The following BMPER variants were observed in gnomAD, a reference collection of about 807,000 sequenced individuals.
BMPER encodes BMP binding endothelial regulator.
BMPER carries 45 observed loss-of-function variants against 87.3 expected under a neutral mutation model. That is an observed-to-expected ratio of 0.52 (90% CI 0.41 to 0.66). The LOEUF is 0.66. BMPER is among the 30% of genes least tolerant of loss of function. The pLI, the probability that BMPER is intolerant of heterozygous loss-of-function variation, is 0.00. For missense variants in BMPER, 784 were observed against 867.5 expected (o/e 0.90, Z 1.21); for synonymous variants, 326 against 316.2 (o/e 1.03, Z -0.33).
At chr7:33,936,839 C>T (rs539172235) in intron 2 of BMPER, among the ~76,000 whole-genome samples, 1 of 152,316 alleles carries the variant, frequency 6.6e-6, no homozygotes, top group African/African-American at 2.4e-5. Context: ...TAGATTGCTG[C>T]ATTTTAATGC....
rs574546157 is a variant in BMPER at position 33,972,671 on chromosome 7, C to T, written c.494-2031C>T. On this transcript the variant is annotated intron_variant, in intron 5 of 14. Coordinates refer to ENST00000649409, the MANE Select transcript of BMPER (RefSeq NM_001365308.1). ...ACCACAGGGCACTACCTCCCATGCC[C>T]ACACACACCGCGAGAATTGAGAAGC... Among the ~76,000 whole-genome samples the T allele has an allele frequency of 1.6e-4, 25 of 152,260 alleles. No individual in the cohort carries two copies. In the South Asian group the frequency reaches 4.6e-3, roughly 28 times the overall value.
At chr7:34,033,906 T>A (rs1787594949) in intron 6 of BMPER, among the ~76,000 whole-genome samples, 1 of 152,258 alleles carries the variant, frequency 6.6e-6, no homozygotes, top group Non-Finnish European at 1.5e-5. Context: ...CCTGAACTGC[T>A]GTCGTTTTCT....
intron 13 of BMPER, among the ~76,000 whole-genome samples, chr7:34,114,862 G>A (rs368589319): frequency 1.4e-4 from 21 of 152,364 alleles, no homozygotes; most frequent in Middle Eastern, 3.4e-3. Flanking sequence ...GCAGAGGACA[G>A]GTGGATGAGT....
At chr7:34,046,284 T>A in intron 6 of BMPER, 22 bp from the exon 7 acceptor site, 6 of 1,605,816 alleles carry the variant, frequency 3.7e-6, no homozygotes, top group Non-Finnish European at 5.1e-6. Flanking sequence ...TAAATATGCT[T>A]TTTTTTTCTC....
chr7:34,138,652 C>G (rs1262315355), intron 13 of BMPER, among the ~76,000 whole-genome samples: 1 of 152,168 alleles, frequency 6.6e-6, no homozygotes, highest in African/African-American at 2.4e-5. Flanking sequence ...AGACAGTATG[C>G]TTTAAGGGGA....
intron 3 of BMPER, among the ~76,000 whole-genome samples, chr7:33,956,946 T>C (rs1353404683): frequency 6.6e-6 from 1 of 152,154 alleles, no homozygotes; most frequent in Non-Finnish European, 1.5e-5. Context: ...TAACACCAAA[T>C]GCTGGCAAAG....
At chr7:33,938,327 T>C (rs540115188) in intron 3 of BMPER, among the ~76,000 whole-genome samples, 17 of 152,340 alleles carry the variant, frequency 1.1e-4, no homozygotes, top group African/African-American at 3.8e-4. Flanking sequence ...AAGCTCAGAA[T>C]GTGACCTTGT....
At chr7:33,905,532 C>G, upstream of BMPER, 1 of 1,568,188 alleles carries the variant, frequency 6.4e-7, no homozygotes, top group East Asian at 2.3e-5. Context: ...GGCTGAGAGC[C>G]CTTTTCGACT....
intron 2 of BMPER, among the ~76,000 whole-genome samples, chr7:33,932,489 G>A (rs539708947): frequency 6.6e-6 from 1 of 152,350 alleles, no homozygotes; most frequent in African/African-American, 2.4e-5. Context: ...ATCAGAGACA[G>A]GGATGGAGGG....
chr7:33,994,682 G>A (rs1407594710), intron 6 of BMPER, among the ~76,000 whole-genome samples: 1 of 152,148 alleles, frequency 6.6e-6, no homozygotes, highest in Non-Finnish European at 1.5e-5. Context: ...AGATTATTCT[G>A]ATTGACTTTA....
intron 13 of BMPER, among the ~76,000 whole-genome samples, chr7:34,096,895 G>A (rs1177352261): frequency 6.6e-6 from 1 of 152,190 alleles, no homozygotes; most frequent in Non-Finnish European, 1.5e-5. Flanking sequence ...TTCTTTTACA[G>A]TTGTGATTGA....
chr7:34,026,889 A>C (rs1474275312), intron 6 of BMPER, among the ~76,000 whole-genome samples: 1 of 152,052 alleles, frequency 6.6e-6, no homozygotes, highest in Non-Finnish European at 1.5e-5. Flanking sequence ...AACAAAACTC[A>C]TGTTTTCTGG....
At chr7:33,985,366 G>C (rs1785976864) in intron 6 of BMPER, among the ~76,000 whole-genome samples, 1 of 152,048 alleles carries the variant, frequency 6.6e-6, no homozygotes. Context: ...ACTTTTAAAA[G>C]CTACATAATA....
chr7:33,940,628 T>G (rs1784728313), intron 3 of BMPER, among the ~76,000 whole-genome samples: 1 of 152,090 alleles, frequency 6.6e-6, no homozygotes, highest in Non-Finnish European at 1.5e-5. Context: ...GCAGAAATTC[T>G]GAGACAGCAG....
chr7:33,989,793 T>G (rs1240591868), intron 6 of BMPER, among the ~76,000 whole-genome samples: 1 of 152,218 alleles, frequency 6.6e-6, no homozygotes, highest in Non-Finnish European at 1.5e-5. Context: ...GATTTTTGTA[T>G]AAGGTGTAAG....
intron 3 of BMPER, among the ~76,000 whole-genome samples, chr7:33,962,452 G>A (rs188097831): frequency 7.4e-4 from 112 of 152,266 alleles, no homozygotes; most frequent in South Asian, 3.1e-3. Flanking sequence ...CAGCCTTGGC[G>A]CAATGAAAAT....
At chr7:33,909,508 G>A (rs1462127112) in intron 2 of BMPER, among the ~76,000 whole-genome samples, 3 of 152,124 alleles carry the variant, frequency 2.0e-5, no homozygotes, top group African/African-American at 4.8e-5. Flanking sequence ...TTGACCTGCA[G>A]GGAGCGTTAG....
chr7:33,928,695 A>G (rs1261920412), intron 2 of BMPER, among the ~76,000 whole-genome samples: 1 of 150,972 alleles, frequency 6.6e-6, no homozygotes, highest in Non-Finnish European at 1.5e-5. Context: ...ATAGGACCCA[A>G]AACAATCCCT....
At chr7:34,109,192 T>C (rs1188133229) in intron 13 of BMPER, among the ~76,000 whole-genome samples, 1 of 152,148 alleles carries the variant, frequency 6.6e-6, no homozygotes, top group Non-Finnish European at 1.5e-5. Context: ...ACCACCAGGC[T>C]TGCAAGACCC....
Sources: allele counts gnomAD v4.1 joint callset (sites outside exome capture counted in the v4.1 genomes callset), GRCh38; gene constraint gnomAD v4.1.1; transcripts MANE v1.5; gene names NCBI Gene and HGNC (gene_info 2026-07-23, HGNC 2026-07-21).